Variants in GHR observed in about 807,000 individuals in gnomAD.
GHR encodes the protein growth hormone receptor, also known as GH receptor.
In GHR, 35 loss-of-function variants were observed where a neutral mutation model predicts 67.1. The ratio of observed to expected loss-of-function variants is 0.52; its 90% CI spans 0.40 to 0.69. GHR has a LOEUF of 0.69. Among genes scored for constraint, GHR ranks in the 30% least tolerant of loss-of-function variants. The pLI, the probability that GHR is intolerant of heterozygous loss-of-function variation, is 0.00. For synonymous variants in GHR, 272 were observed against 269.1 expected, an observed-to-expected ratio of 1.01 and a Z score of -0.10; for missense variants, 792 against 764.6, an observed-to-expected ratio of 1.04 and a Z score of -0.42.
At chr5:42,673,791 G>C (rs1490657594) in intron 3 of GHR, among the ~76,000 whole-genome samples, 2 of 152,278 alleles carry the variant, frequency 1.3e-5, no homozygotes, top group South Asian at 4.1e-4. Flanking sequence ...GTAGGGAGCA[G>C]AGAGAGGACT....
intron 3 of GHR, among the ~76,000 whole-genome samples, chr5:42,681,771 C>A (rs1158958825): frequency 1.3e-5 from 2 of 151,854 alleles, no homozygotes; most frequent in Non-Finnish European, 2.9e-5. Context: ...CCCATCTCTA[C>A]TAAAAATACA....
intron 1 of GHR, among the ~76,000 whole-genome samples, chr5:42,478,677 T>C (rs1425787117): frequency 6.6e-6 from 1 of 152,204 alleles, no homozygotes; most frequent in Non-Finnish European, 1.5e-5. Context: ...ATGATTTGGC[T>C]CTCTGTTTGT....
chr5:42,705,917 G>T (rs1758154540), intron 6 of GHR, among the ~76,000 whole-genome samples: 1 of 152,078 alleles, frequency 6.6e-6, no homozygotes, highest in South Asian at 2.1e-4. Context: ...CCCAATAACG[G>T]GACTGCTGGG....
At chr5:42,518,313 T>G (rs920003085) in intron 1 of GHR, among the ~76,000 whole-genome samples, 1 of 152,120 alleles carries the variant, frequency 6.6e-6, no homozygotes, top group Non-Finnish European at 1.5e-5. Context: ...TTGTTGGTTG[T>G]TTGTTCCCTT....
At chr5:42,661,223 G>A (rs1476836139) in intron 3 of GHR, among the ~76,000 whole-genome samples, 1 of 152,178 alleles carries the variant, frequency 6.6e-6, no homozygotes, top group Non-Finnish European at 1.5e-5. Flanking sequence ...AGCAAGGCAG[G>A]CCAACATTCA....
chr5:42,463,585 T>G (rs1288183920), intron 1 of GHR, among the ~76,000 whole-genome samples: 2 of 152,214 alleles, frequency 1.3e-5, no homozygotes, highest in Non-Finnish European at 2.9e-5. Context: ...TCTGGAAATA[T>G]GAAATAAAGG....
chr5:42,688,813 A>G (rs1462247989), intron 3 of GHR, 77 bp from the exon 4 acceptor site: 4 of 1,329,724 alleles, frequency 3.0e-6, no homozygotes, highest in South Asian at 1.2e-5. Flanking sequence ...TTCTTCACAC[A>G]CTTTAGATAC....
chr5:42,656,271 T>G (rs1378495726), intron 3 of GHR, among the ~76,000 whole-genome samples: 3 of 152,322 alleles, frequency 2.0e-5, no homozygotes, highest in Non-Finnish European at 2.9e-5. Context: ...TAGAAAACTT[T>G]CATTTGTTTC....
intron 7 of GHR, 78 bp from the exon 8 acceptor site, chr5:42,713,351 G>C (rs1758563760): frequency 2.7e-6 from 2 of 747,956 alleles, no homozygotes; most frequent in Admixed American, 1.8e-5. Flanking sequence ...TGAATTTTTT[G>C]TGAAAAGGGA....
chr5:42,545,535 A>C (rs1748699200), intron 1 of GHR, among the ~76,000 whole-genome samples: 1 of 152,220 alleles, frequency 6.6e-6, no homozygotes, highest in Admixed American at 6.5e-5. Flanking sequence ...AAAAAATATC[A>C]AAATTAGCTC....
Position 42,720,787 on chromosome 5 carries a change from A to G in GHR, c.*1363A>G, listed in dbSNP as rs1758981922. ...TATAGGATTTATTTAAAATAGCAAA[A>G]GAAGAAGTTTCATCATTTTTTACTT... is the stretch of plus-strand genomic sequence containing the variant. On this transcript the variant is annotated 3_prime_UTR_variant, in exon 10 of 10. Coordinates refer to ENST00000230882, the MANE Select transcript of GHR (RefSeq NM_000163.5). The G allele has an allele frequency of 6.6e-6, 1 of 152,246 alleles. No homozygotes were observed. 9.4% of individuals were successfully genotyped at this position (152,246 alleles called of 1,614,324 possible).
rs1342357420 is a variant in GHR, at chr5:42,720,973, A to G, written c.*1549A>G. 6.6e-6 allele frequency: 1 copy of G among 152,376 alleles called. No homozygotes were observed. The highest frequency in any genetic ancestry group is 1.5e-5 in the Non-Finnish European group (1 of 68,222). 9.4% of individuals were successfully genotyped at this position (152,376 alleles called of 1,614,324 possible). A position where few individuals can be genotyped will look rare whatever the true frequency, so the allele number is the denominator to read the frequency against. On this transcript the variant is annotated 3_prime_UTR_variant, in exon 10 of 10. Coordinates refer to ENST00000230882, the MANE Select transcript of GHR (RefSeq NM_000163.5). ...GAGTCTCGCTCTGTCGCCAGGCTAG[A>G]GTGCGGTGGCGCGATCTTGACTCAC...
At chr5:42,456,403 T>C (rs1221185220) in intron 1 of GHR, among the ~76,000 whole-genome samples, 3 of 152,228 alleles carry the variant, frequency 2.0e-5, no homozygotes, top group Non-Finnish European at 4.4e-5. Context: ...TATATTTCTG[T>C]TTTAAGGTAG....
chr5:42,653,133 C>T (rs1755089927), intron 3 of GHR, among the ~76,000 whole-genome samples: 1 of 152,058 alleles, frequency 6.6e-6, no homozygotes, highest in African/African-American at 2.4e-5. Context: ...AACATTGGCT[C>T]TTGTTATCAT....
chr5:42,715,365 A>G (rs898683324), intron 8 of GHR, among the ~76,000 whole-genome samples: 1 of 152,224 alleles, frequency 6.6e-6, no homozygotes, highest in African/African-American at 2.4e-5. Flanking sequence ...TTTTTCCTAG[A>G]ACTGTAGGGC....
intron 1 of GHR, chr5:42,466,852 T>C: frequency 5.7e-6 from 8 of 1,396,082 alleles, no homozygotes; most frequent in East Asian, 2.3e-5. Flanking sequence ...CAGAAGGTTA[T>C]GACCAATGCT....
At chr5:42,461,794 A>G (rs1374707634) in intron 1 of GHR, among the ~76,000 whole-genome samples, 1 of 152,244 alleles carries the variant, frequency 6.6e-6, no homozygotes, top group Non-Finnish European at 1.5e-5. Context: ...AGTCCACTGC[A>G]TGAAGATTTA....
At chr5:42,527,442 A>C (rs2112326941) in intron 1 of GHR, among the ~76,000 whole-genome samples, 1 of 152,358 alleles carries the variant, frequency 6.6e-6, no homozygotes, top group South Asian at 2.1e-4. Flanking sequence ...CTTTAAACCA[A>C]CAAAGATCAA....
chr5:42,425,090 A>C (rs919961559), intron 1 of GHR: 2 of 798,924 alleles, frequency 2.5e-6, no homozygotes, highest in Non-Finnish European at 3.0e-6. Flanking sequence ...GCATAGGATT[A>C]AGTATTAAGG....
Sources: gnomAD v4.1 joint callset for allele counts (sites outside exome capture counted in the v4.1 genomes callset) on GRCh38, gnomAD v4.1.1 for gene constraint, MANE v1.5 for transcripts, NCBI Gene and HGNC (gene_info 2026-07-23, HGNC 2026-07-21) for gene names.